The following DGKB variants were observed in gnomAD, a reference collection of about 807,000 sequenced individuals.
DGKB encodes 90 kDa diacylglycerol kinase.
Under a neutral mutation model 114.3 loss-of-function variants are expected in DGKB, and 67 were observed. The observed-to-expected ratio is 0.59, with a 90% CI of 0.48 to 0.72. DGKB has a LOEUF of 0.72. DGKB is among the 30% of genes least tolerant of loss of function. DGKB has a pLI of 0.00. For missense variants in DGKB, 907 were observed against 975.2 expected (o/e 0.93, Z 0.93); for synonymous variants, 398 against 323.1 (o/e 1.23, Z -2.49).
intron 2 of DGKB, among the ~76,000 whole-genome samples, chr7:14,838,866 C>G (rs954714587): frequency 2.0e-4 from 31 of 152,282 alleles, no homozygotes; most frequent in Middle Eastern, 3.4e-3. Context: ...TTCACTCACT[C>G]CCTTCAATTG....
chr7:14,335,755 G>C (rs569826087), intron 23 of DGKB, among the ~76,000 whole-genome samples: 4 of 151,906 alleles, frequency 2.6e-5, no homozygotes, highest in Non-Finnish European at 5.9e-5. Context: ...GTTTTGTTTT[G>C]TTTTGTTTTT....
At chr7:14,472,371 C>T (rs1186885287) in intron 21 of DGKB, among the ~76,000 whole-genome samples, 1 of 152,166 alleles carries the variant, frequency 6.6e-6, no homozygotes, top group East Asian at 1.9e-4. Context: ...CATTGCCTGC[C>T]ACCATCCACG....
In DGKB at chr7:14,718,700, G is replaced by T; in HGVS notation, c.323-15C>A. 6.3e-7 allele frequency: 1 copy of T among 1,587,686 alleles called. No homozygotes were observed. The highest frequency in any genetic ancestry group is 1.7e-4 in the Middle Eastern group (1 of 5,924). ...CATTCTCAGACCTGGAAAAAAAATT[G>T]TCTTTATATTTTGTTAATTATTTAC... On this transcript the variant is annotated splice_polypyrimidine_tract_variant and intron_variant, in intron 5 of 25. Coordinates refer to ENST00000402815, the MANE Select transcript of DGKB (RefSeq NM_001350709.2).
At chr7:14,226,898 A>G (rs1415700220) in intron 23 of DGKB, among the ~76,000 whole-genome samples, 2 of 152,058 alleles carry the variant, frequency 1.3e-5, no homozygotes, top group African/African-American at 4.8e-5. Flanking sequence ...TCATGTGGTT[A>G]AAAAAGAATC....
At chr7:14,469,895 T>C (rs1455999421) in intron 21 of DGKB, among the ~76,000 whole-genome samples, 2 of 151,852 alleles carry the variant, frequency 1.3e-5, no homozygotes, top group Admixed American at 1.3e-4. Flanking sequence ...AATATATAAA[T>C]CGATGCATCA....
intron 20 of DGKB, among the ~76,000 whole-genome samples, chr7:14,522,296 C>G (rs958929408): frequency 6.6e-6 from 1 of 152,120 alleles, no homozygotes; most frequent in East Asian, 1.9e-4. Flanking sequence ...GTGTGGGTAG[C>G]TTGGGCCTGT....
intron 21 of DGKB, among the ~76,000 whole-genome samples, chr7:14,472,250 A>T (rs1781527418): frequency 6.6e-6 from 1 of 152,180 alleles, no homozygotes. Flanking sequence ...AGTGGGAAGT[A>T]ACTGAATCAT....
intron 15 of DGKB, among the ~76,000 whole-genome samples, chr7:14,620,558 T>C (rs534308218): frequency 1.3e-5 from 2 of 151,868 alleles, no homozygotes; most frequent in East Asian, 1.9e-4. Context: ...AAATTGTTGG[T>C]AAATATTCCC....
intron 17 of DGKB, among the ~76,000 whole-genome samples, chr7:14,597,852 A>T (rs974271274): frequency 6.6e-6 from 1 of 152,146 alleles, no homozygotes; most frequent in Non-Finnish European, 1.5e-5. Flanking sequence ...ATGCATGTGT[A>T]CAAGCAATAT....
Position 14,685,254 on chromosome 7 carries a change from A to G in DGKB, c.820T>C (p.Cys274Arg), listed in dbSNP as rs1383640903. The change falls in exon 10 of 26, where the codon TGC becomes CGC. Residue 274 changes from cysteine to arginine, a missense_variant. Cys to Arg is a radical substitution (Grantham distance 180). This residue lies in a region of DGKB where 814 missense variants were observed against 856.6 expected (regional missense o/e 0.95). Coordinates refer to ENST00000402815, the MANE Select transcript of DGKB (RefSeq NM_001350709.2). ...MLIGVGKQGL[C>R]CSFCKYTVHE... Reference sequence around the variant, plus strand: ...GAGCAAATGTACTCACAGGAACAGCAGAGGCCCTGCTTCCCCACGCCAATC... The same window carrying G: ...GAGCAAATGTACTCACAGGAACAGCGGAGGCCCTGCTTCCCCACGCCAATC... 6.2e-7 allele frequency: 1 copy of G among 1,612,324 alleles called. No homozygotes were observed. Among genetic ancestry groups the G allele is most frequent in the African/African-American group, 1.3e-5 (1 of 74,888 alleles).
chr7:14,724,517 C>T (rs1829729134), intron 5 of DGKB, among the ~76,000 whole-genome samples: 1 of 152,168 alleles, frequency 6.6e-6, no homozygotes, highest in South Asian at 2.1e-4. Flanking sequence ...TGAGAACATA[C>T]TCTGGTTTTC....
chr7:14,335,615 G>A (rs1426670499), intron 23 of DGKB, among the ~76,000 whole-genome samples: 12 of 152,268 alleles, frequency 7.9e-5, no homozygotes, highest in Middle Eastern at 3.4e-3. Flanking sequence ...GGTTAAAAAC[G>A]TGTTGGACTA....
chr7:14,685,494 G>C, intron 9 of DGKB, 132 bp from the exon 10 acceptor site: 4 of 658,356 alleles, frequency 6.1e-6, no homozygotes, highest in Non-Finnish European at 1.1e-5. Context: ...CTTTCTCCAA[G>C]ATCACCGCAG....
intron 21 of DGKB, among the ~76,000 whole-genome samples, chr7:14,415,810 G>T (rs897212496): frequency 2.0e-5 from 3 of 152,072 alleles, no homozygotes; most frequent in Non-Finnish European, 4.4e-5. Flanking sequence ...TGGGTCAAAT[G>T]ATATTTCTAG....
chr7:14,897,633 T>C lies in DGKB; in HGVS notation c.-188+4959A>G, dbSNP rs1052083708. ...ATAGGTATCAGTAAAAATTTTAATT[T>C]TGTGATATGGAAATAAATATTTTAT... On this transcript the variant is annotated intron_variant, in intron 1 of 25. Coordinates refer to ENST00000402815, the MANE Select transcript of DGKB (RefSeq NM_001350709.2). Among the ~76,000 whole-genome samples, 6 of 151,980 alleles carry C rather than the reference T, an allele frequency of 3.9e-5. No homozygotes were observed. In the East Asian group the frequency reaches 9.6e-4, roughly 24 times the overall value.
chr7:14,618,899 T>C (rs1807074763), intron 15 of DGKB, among the ~76,000 whole-genome samples: 1 of 151,498 alleles, frequency 6.6e-6, no homozygotes, highest in African/African-American at 2.4e-5. Context: ...TTTTTAAAGC[T>C]CATGGAAAAA....
intron 2 of DGKB, among the ~76,000 whole-genome samples, chr7:14,827,647 T>C (rs1456409930): frequency 6.6e-6 from 1 of 152,090 alleles, no homozygotes; most frequent in Non-Finnish European, 1.5e-5. Context: ...GAATAACTTA[T>C]CCCTTATTTA....
intron 20 of DGKB, among the ~76,000 whole-genome samples, chr7:14,488,868 A>ACC (rs1364002255): frequency 6.6e-4 from 99 of 151,140 alleles, no homozygotes; most frequent in African/African-American, 2.2e-3. Context: ...AAACCCAACA[A>ACC]CAACAACAAC....
chr7:14,583,290 AT>A (rs1240432855), intron 17 of DGKB, among the ~76,000 whole-genome samples, 153 bp from the exon 18 acceptor site: 1 of 151,996 alleles, frequency 6.6e-6, no homozygotes, highest in Non-Finnish European at 1.5e-5. Context: ...CTTTAATCCT[AT>A]TTTATAATTA....
Sources: gnomAD v4.1 joint callset for allele counts (sites outside exome capture counted in the v4.1 genomes callset) on GRCh38, gnomAD v4.1.1 for gene constraint, gnomAD v4.1.1 regional missense constraint, MANE v1.5 for transcripts, NCBI Gene and HGNC (gene_info 2026-07-23, HGNC 2026-07-21) for gene names.